Variants in NOX1 observed in about 807,000 individuals in gnomAD.
NOX1 encodes NADH/NADPH mitogenic oxidase subunit P65-MOX.
A neutral mutation model predicts 42.5 loss-of-function variants in NOX1; 34 were observed. The ratio of observed to expected loss-of-function variants is 0.80; its 90% CI spans 0.61 to 1.07. The LOEUF (loss-of-function observed/expected upper bound fraction) is 1.07, where lower values mean the gene tolerates loss of function less well. Among genes scored for constraint, NOX1 ranks in the 50% least tolerant of loss-of-function variants. The pLI, the probability that NOX1 is intolerant of heterozygous loss-of-function variation, is 0.00. For missense variants in NOX1, 408 were observed against 427.0 expected (o/e 0.96, Z 0.39); for synonymous variants, 143 against 152.5 (o/e 0.94, Z 0.46).
At chrX:100,870,278 GGCAGGA>G (rs1196078802) in intron 2 of NOX1, among the ~76,000 whole-genome samples, 1 of 109,502 alleles carries the variant, frequency 9.1e-6, no homozygotes, top group South Asian at 3.9e-4. Context: ...AAGAAATAGG[GGCAGGA>G]GCAGGAGCAG....
intron 12 of NOX1, among the ~76,000 whole-genome samples, chrX:100,846,097 A>AT (rs1403414871): frequency 2.8e-5 from 3 of 107,891 alleles, no homozygotes; most frequent in African/African-American, 1.0e-4. Context: ...AATTTTTTGT[A>AT]TTTTTAGTAG....
At position 100,849,192 on chromosome X, in the gene NOX1, A is replaced by G. The variant is rs950988097; in HGVS notation, c.1443+88T>C. 5.0e-6 allele frequency: 5 copies of G among 1,000,087 alleles called. No homozygotes were observed. In the African/African-American group the frequency reaches 9.5e-5, roughly 19 times the overall value. The allele number at this position is 1,000,087 out of a possible 1,213,427, so 82.4% of individuals were successfully genotyped here. A position where few individuals can be genotyped will look rare whatever the true frequency, so the allele number is the denominator to read the frequency against. ...GTGTGAGGGCAGGTAGGAAATCATAAGAAATAACTTCTAATCCATATGCAC... is the reference window on the plus strand; with the variant it reads ...GTGTGAGGGCAGGTAGGAAATCATAGGAAATAACTTCTAATCCATATGCAC... On this transcript the variant is annotated intron_variant, in intron 11 of 12. Transcript: ENST00000372966.
intron 7 of NOX1, among the ~76,000 whole-genome samples, chrX:100,855,006 AT>A (rs2085156481): frequency 9.0e-6 from 1 of 111,422 alleles, no homozygotes; most frequent in African/African-American, 3.3e-5. Flanking sequence ...ACATATAGCA[AT>A]TTTTTGCATG....
intron 2 of NOX1, among the ~76,000 whole-genome samples, chrX:100,864,402 A>G (rs918438260): frequency 1.8e-5 from 2 of 112,723 alleles, no homozygotes; most frequent in African/African-American, 3.2e-5. Flanking sequence ...TTATAAGCAC[A>G]TAAGAGTTGT....
At chrX:100,856,366 C>T in intron 7 of NOX1, 1 of 545,720 alleles carries the variant, frequency 1.8e-6, no homozygotes, top group East Asian at 3.3e-5. Flanking sequence ...CTTTAGGAGA[C>T]TCTGACTTAG....
chrX:100,871,523 G>A (rs937009835), intron 1 of NOX1, among the ~76,000 whole-genome samples: 9 of 112,294 alleles, frequency 8.0e-5, no homozygotes, highest in Non-Finnish European at 1.7e-4. Context: ...ACATTTTTCT[G>A]TTTTCAGATT....
intron 1 of NOX1, among the ~76,000 whole-genome samples, chrX:100,872,704 C>G (rs1022297131): frequency 4.6e-5 from 5 of 109,730 alleles, no homozygotes; most frequent in African/African-American, 1.7e-4. Context: ...TAGAAACACC[C>G]TTATATTTGT....
intron 7 of NOX1, among the ~76,000 whole-genome samples, chrX:100,857,363 A>G (rs942664156): frequency 8.9e-6 from 1 of 112,244 alleles, no homozygotes; most frequent in Non-Finnish European, 1.9e-5. Context: ...TCTTTGTCAT[A>G]GAATGATTTA....
chrX:100,866,731 A>G (rs1448752105), intron 2 of NOX1, among the ~76,000 whole-genome samples: 1 of 85,021 alleles, frequency 1.2e-5, no homozygotes, highest in Non-Finnish European at 2.1e-5. Context: ...TGTCCTACAG[A>G]GTGGAATAAT....
At position 100,860,668 on chromosome X, in the gene NOX1, A is replaced by G. The variant is rs755255586; in HGVS notation, c.804+1503T>C. 3.6e-5 allele frequency among the ~76,000 whole-genome samples: 4 copies of G among 111,736 alleles called. No individual in the cohort carries two copies. In the East Asian group the frequency reaches 1.1e-3, roughly 31 times the overall value. ...TCTTATTGATTTCTAGGAGTTATTT[A>G]TATATTAGAAAATTAGTCCATGCCC... is the stretch of plus-strand genomic sequence containing the variant. On this transcript the variant is annotated intron_variant, in intron 7 of 12. Coordinates refer to ENST00000372966, the MANE Select transcript of NOX1 (RefSeq NM_007052.5).
At chrX:100,848,581 C>T in intron 12 of NOX1, 49 bp downstream of exon 12, 4 of 1,168,068 alleles carry the variant, frequency 3.4e-6, no homozygotes, top group Non-Finnish European at 4.6e-6. Context: ...CAGTAAGCCA[C>T]CACGCACGGC....
intron 12 of NOX1, 138 bp from the exon 13 acceptor site, chrX:100,844,216 T>G: frequency 1.8e-6 from 1 of 554,733 alleles, no homozygotes; most frequent in Non-Finnish European, 2.8e-6. Context: ...CATGGTAGTT[T>G]TTTAACCTTT....
chrX:100,867,852 GAAGA>G (rs1412496060), intron 2 of NOX1, among the ~76,000 whole-genome samples: 21 of 106,501 alleles, frequency 2.0e-4, no homozygotes, highest in Non-Finnish European at 1.7e-4. Flanking sequence ...AAGAGAGAGA[GAAGA>G]AAGAGAAAGA....
rs768898187 is a variant in NOX1 at position 100,863,915 on chromosome X, CTTTA to C, written c.142-324_142-321del. On this transcript the variant is annotated intron_variant, in intron 2 of 12. Transcript: ENST00000372966. The stretch of plus-strand genomic sequence containing the variant: ...TGGCTGTAACATTTTACTTAATACT[CTTTA>C]TTATAATTTTGTTATTTGTCACTTG... Among the ~76,000 whole-genome samples, 30 of 111,895 alleles carry C rather than the reference CTTTA, an allele frequency of 2.7e-4. No individual in the cohort carries two copies. In the East Asian group the frequency reaches 4.5e-3, roughly 17 times the overall value.
intron 2 of NOX1, among the ~76,000 whole-genome samples, chrX:100,866,189 T>C (rs1234869320): frequency 9.7e-5 from 10 of 103,554 alleles, no homozygotes; most frequent in Admixed American, 2.2e-4. Context: ...GCCACTGCAC[T>C]CCAGGCTGGG....
chrX:100,851,273 A>G lies in NOX1; in HGVS notation c.857T>C (p.Leu286Pro). 8.3e-7 allele frequency: 1 copy of G among 1,199,203 alleles called. No individual in the cohort carries two copies. Among genetic ancestry groups the G allele is most frequent in the Non-Finnish European group, 1.1e-6 (1 of 886,354 alleles). Residue 286 changes from leucine to proline, a missense_variant, in exon 8 of 13, where the codon CTC becomes CCC. Coordinates refer to ENST00000372966, the MANE Select transcript of NOX1 (RefSeq NM_007052.5). ...PVILYICERI[L>P]RFYRSQQKVV... ...CTTCTGCTGGGAGCGGTAAAACCGG[A>G]GGATCCTTTCACAGATATAAAGAAT...
intron 2 of NOX1, among the ~76,000 whole-genome samples, chrX:100,868,059 T>G (rs1164283710): frequency 8.9e-6 from 1 of 112,278 alleles, no homozygotes; most frequent in Non-Finnish European, 1.9e-5. Context: ...TGTTAATAAC[T>G]AGTCACATTT....
chrX:100,843,401 T>C lies in NOX1; in HGVS notation c.*551A>G, dbSNP rs1190994219. ...TTGCTGTTCACACTGGATAAGACCA[T>C]ATCAAAAGTGACAGTAAACATGTAC... is the stretch of plus-strand genomic sequence containing the variant. On this transcript the variant is annotated 3_prime_UTR_variant, in exon 13 of 13. Transcript: ENST00000372966. 1.5e-5 allele frequency: 17 copies of C among 1,143,919 alleles called. No homozygotes were observed. Among genetic ancestry groups the C allele is most frequent in the South Asian group, 2.1e-5 (1 of 47,021 alleles). 94.3% of individuals were successfully genotyped at this position (1,143,919 alleles called of 1,213,427 possible).
intron 2 of NOX1, among the ~76,000 whole-genome samples, chrX:100,867,511 C>T (rs2085246362): frequency 8.9e-6 from 1 of 111,892 alleles, no homozygotes; most frequent in Non-Finnish European, 1.9e-5. Flanking sequence ...GCTGAGAGCT[C>T]TATGCAGTTA....
Sources: gnomAD v4.1 joint callset for allele counts (sites outside exome capture counted in the v4.1 genomes callset) on GRCh38, gnomAD v4.1.1 for gene constraint, MANE v1.5 for transcripts, NCBI Gene and HGNC (gene_info 2026-07-23, HGNC 2026-07-21) for gene names.